The following EXOC6 variants were observed in gnomAD, a reference collection of about 807,000 sequenced individuals.
EXOC6 encodes SEC15-like 1.
EXOC6 carries 60 observed loss-of-function variants against 112.5 expected under a neutral mutation model. That is an observed-to-expected ratio of 0.53 (90% CI 0.43 to 0.66). The LOEUF is 0.66. EXOC6 is among the 30% of genes least tolerant of loss of function. The pLI, the probability that EXOC6 is intolerant of heterozygous loss-of-function variation, is 0.00. For missense variants in EXOC6, 855 were observed against 957.1 expected, an observed-to-expected ratio of 0.89 and a Z score of 1.41; for synonymous variants, 295 against 308.0, an observed-to-expected ratio of 0.96 and a Z score of 0.44.
At chr10:92,841,122 T>C (rs1846835319) in intron 1 of EXOC6, among the ~76,000 whole-genome samples, 1 of 152,242 alleles carries the variant, frequency 6.6e-6, no homozygotes, top group South Asian at 2.1e-4. Context: ...TTATTAATTA[T>C]AGCCACCATT....
chr10:92,857,901 CTA>C (rs1314118120), intron 1 of EXOC6, among the ~76,000 whole-genome samples: 1 of 151,394 alleles, frequency 6.6e-6, no homozygotes, highest in African/African-American at 2.4e-5. Flanking sequence ...CTGCTTGAAA[CTA>C]TTTCCTGTTT....
intron 18 of EXOC6, among the ~76,000 whole-genome samples, chr10:92,985,851 C>T (rs1303646077): frequency 6.6e-6 from 1 of 151,890 alleles, no homozygotes; most frequent in African/African-American, 2.4e-5. Flanking sequence ...CTTTAATAAC[C>T]CTTTATTTTA....
At position 93,012,426 on chromosome 10, in the gene EXOC6, C is replaced by A. The variant is rs1844291778; in HGVS notation, c.2096-1768C>A. Reference sequence around the variant, plus strand: ...CCCCTGGGAATTTTACTTTATAGAACAAAATGTATTCTTAATGGTGACCCA... The same window carrying A: ...CCCCTGGGAATTTTACTTTATAGAAAAAAATGTATTCTTAATGGTGACCCA... On this transcript the variant is annotated intron_variant, in intron 19 of 21. Transcript: ENST00000260762. Among the ~76,000 whole-genome samples the A allele has an allele frequency of 2.0e-5, 3 of 152,062 alleles. No individual in the cohort carries two copies. The South Asian group carries it at 6.2e-4, about 31-fold the overall frequency.
chr10:92,955,082 A>C (rs541492462), intron 16 of EXOC6, among the ~76,000 whole-genome samples: 1 of 151,870 alleles, frequency 6.6e-6, no homozygotes, highest in African/African-American at 2.4e-5. Flanking sequence ...ATTCCTAGCT[A>C]CTCTGGACTT....
At chr10:93,033,437 A>T (rs1487669936) in intron 20 of EXOC6, among the ~76,000 whole-genome samples, 1 of 152,232 alleles carries the variant, frequency 6.6e-6, no homozygotes, top group African/African-American at 2.4e-5. Context: ...TGTGAGTTGT[A>T]CAATTAATGG....
intron 17 of EXOC6, among the ~76,000 whole-genome samples, chr10:92,972,655 C>T (rs756508290): frequency 3.3e-5 from 5 of 152,144 alleles, no homozygotes; most frequent in Middle Eastern, 3.2e-3. Flanking sequence ...ATGTTGAGTC[C>T]TGTCAGTCTT....
At chr10:93,009,228 T>G (rs1844131427) in intron 19 of EXOC6, among the ~76,000 whole-genome samples, 1 of 152,004 alleles carries the variant, frequency 6.6e-6, no homozygotes, top group African/African-American at 2.4e-5. Flanking sequence ...TTAACTAAAA[T>G]AAAACCAAAA....
At chr10:92,958,375 G>C (rs1159561780) in intron 17 of EXOC6, among the ~76,000 whole-genome samples, 1 of 152,216 alleles carries the variant, frequency 6.6e-6, no homozygotes, top group Non-Finnish European at 1.5e-5. Context: ...TTGGCTCCAA[G>C]GAGCTTTTCC....
In EXOC6 at chr10:92,997,632, T is replaced by C. The variant is rs1843553992; in HGVS notation, c.2095+17T>C. 1 of 1,570,060 alleles carries C rather than the reference T, an allele frequency of 6.4e-7. No homozygotes were observed. The highest frequency in any genetic ancestry group is 8.7e-7 in the Non-Finnish European group (1 of 1,154,932). ...AGTGTGAATGTAAGTACTATATTGG[T>C]TTATTCTTATGTATTACTAGGAATC... On this transcript the variant is annotated intron_variant, in intron 19 of 21. Coordinates refer to ENST00000260762, the MANE Select transcript of EXOC6 (RefSeq NM_019053.6).
At chr10:92,897,465 G>A (rs190608363) in intron 4 of EXOC6, among the ~76,000 whole-genome samples, 1 of 152,228 alleles carries the variant, frequency 6.6e-6, no homozygotes, top group East Asian at 1.9e-4. Context: ...TAAATCTTGG[G>A]ACCCCAAAAT....
intron 1 of EXOC6, among the ~76,000 whole-genome samples, chr10:92,871,310 T>G (rs1698538560): frequency 1.3e-5 from 2 of 151,702 alleles, no homozygotes; most frequent in Admixed American, 6.6e-5. Context: ...GAGGATCACT[T>G]GAGCCCAGGA....
At position 92,864,052 on chromosome 10, in the gene EXOC6, G is replaced by T. The variant is rs1422801435; in HGVS notation, c.101+15418G>T. On this transcript the variant is annotated intron_variant, in intron 1 of 21. Transcript: ENST00000260762. ...AAAAATAAACATAGATAACTTGATT[G>T]TGAAGAACCTCAGCTCTTTCATAAG... Among the ~76,000 whole-genome samples, 4 of 151,962 alleles carry T rather than the reference G, an allele frequency of 2.6e-5. No homozygotes were observed. The East Asian group carries it at 5.8e-4, about 22-fold the overall frequency.
Position 92,856,539 on chromosome 10 carries a change from G to T in EXOC6, c.101+7905G>T, listed in dbSNP as rs370161778. On this transcript the variant is annotated intron_variant, in intron 1 of 21. Transcript: ENST00000260762. ...TATTAATTTCTAATTTAATCCCATT[G>T]CAGTCAGAGATAATAATTTGTATGA... is the stretch of plus-strand genomic sequence containing the variant. Among the ~76,000 whole-genome samples the T allele has an allele frequency of 2.6e-5, 4 of 152,096 alleles. No individual in the cohort carries two copies. The South Asian group carries it at 8.3e-4, about 32-fold the overall frequency.
chr10:93,023,340 A>G (rs1196084874), intron 20 of EXOC6, among the ~76,000 whole-genome samples: 1 of 152,198 alleles, frequency 6.6e-6, no homozygotes, highest in Non-Finnish European at 1.5e-5. Flanking sequence ...ACTCTATGAG[A>G]GACTAGCTAA....
chr10:92,907,502 G>A (rs1030747882), intron 5 of EXOC6, among the ~76,000 whole-genome samples: 1 of 152,208 alleles, frequency 6.6e-6, no homozygotes, highest in Non-Finnish European at 1.5e-5. Flanking sequence ...GGGAGGCACA[G>A]TTGTGCTATG....
At chr10:92,875,461 G>T (rs1164320917) in intron 1 of EXOC6, among the ~76,000 whole-genome samples, 1 of 152,110 alleles carries the variant, frequency 6.6e-6, no homozygotes, top group Non-Finnish European at 1.5e-5. Flanking sequence ...GTATGTCTTT[G>T]TGTATGAATA....
chr10:93,017,484 G>A (rs1844584516), intron 20 of EXOC6, among the ~76,000 whole-genome samples: 1 of 152,010 alleles, frequency 6.6e-6, no homozygotes, highest in Non-Finnish European at 1.5e-5. Context: ...AGCTACTTGG[G>A]GGGCTGCGGC....
At chr10:92,834,832 AC>A in intron 1 of EXOC6, 2 of 1,557,326 alleles carry the variant, frequency 1.3e-6, no homozygotes, top group Non-Finnish European at 8.8e-7. Context: ...AAGGTAGGGC[AC>A]CGTTGCATTT....
At chr10:92,919,883 A>G in intron 7 of EXOC6, 99 bp from the exon 8 acceptor site, 1 of 665,408 alleles carries the variant, frequency 1.5e-6, no homozygotes, top group Non-Finnish European at 2.4e-6. Flanking sequence ...GTTGTAACAC[A>G]AAGTTCATGA....
Sources: allele counts gnomAD v4.1 joint callset (sites outside exome capture counted in the v4.1 genomes callset), GRCh38; gene constraint gnomAD v4.1.1; transcripts MANE v1.5; gene names NCBI Gene and HGNC (gene_info 2026-07-23, HGNC 2026-07-21).